Variants in DLC1 observed in about 807,000 individuals in gnomAD.
DLC1 encodes rho GTPase-activating protein 7.
In DLC1, 54 loss-of-function variants were observed where a neutral mutation model predicts 140.3. The observed-to-expected ratio is 0.38, with a 90% CI of 0.31 to 0.48. The LOEUF is 0.48. Ranked by LOEUF, DLC1 falls within the 20% of genes least tolerant of loss-of-function variation. DLC1 has a pLI of 0.96. For synonymous variants in DLC1, 986 were observed against 728.1 expected (o/e 1.35, Z -5.70); for missense variants, 2,536 against 1,907.0 (o/e 1.33, Z -6.14).
chr8:13,111,216 G>A (rs1043162801), intron 6 of DLC1, among the ~76,000 whole-genome samples: 1 of 152,104 alleles, frequency 6.6e-6, no homozygotes, highest in Non-Finnish European at 1.5e-5. Context: ...CTTTGCTCAC[G>A]TGTGATCAGG....
chr8:13,141,510 A>T (rs1211577352), intron 5 of DLC1, among the ~76,000 whole-genome samples: 1 of 152,202 alleles, frequency 6.6e-6, no homozygotes, highest in Non-Finnish European at 1.5e-5. Flanking sequence ...GGACTCACTC[A>T]TGAGTTTATT....
At chr8:13,088,143 T>C (rs144667548) in intron 16 of DLC1, among the ~76,000 whole-genome samples, 1 of 152,336 alleles carries the variant, frequency 6.6e-6, no homozygotes, top group East Asian at 1.9e-4. Context: ...TACAGTGGCA[T>C]GCTCACAGCT....
chr8:13,390,101 C>T (rs1836684367), intron 4 of DLC1, among the ~76,000 whole-genome samples: 1 of 152,132 alleles, frequency 6.6e-6, no homozygotes, highest in African/African-American at 2.4e-5. Context: ...AGACAAAATT[C>T]TTCATTCTGA....
intron 7 of DLC1, among the ~76,000 whole-genome samples, chr8:13,103,493 C>A (rs1163033432): frequency 6.6e-6 from 1 of 151,930 alleles, no homozygotes. Flanking sequence ...AATCATTCTT[C>A]CAATAACTCT....
chr8:13,158,187 C>T (rs1032318250), intron 5 of DLC1, among the ~76,000 whole-genome samples: 1 of 152,138 alleles, frequency 6.6e-6, no homozygotes, highest in Admixed American at 6.5e-5. Flanking sequence ...TCTCTGGGGT[C>T]CCCGCCCAAT....
At chr8:13,103,440 T>A (rs1451973242) in intron 7 of DLC1, among the ~76,000 whole-genome samples, 6 of 152,176 alleles carry the variant, frequency 3.9e-5, no homozygotes, top group Non-Finnish European at 8.8e-5. Context: ...CTGTCAAGTC[T>A]CTCTGATTCT....
At position 13,498,976 on chromosome 8, in the gene DLC1, C is replaced by G. The variant is rs77284806; in HGVS notation, c.1023+73G>C. ...CATCTTCATATCTTTTTAATCCAAGCAAAATGATAACTGATAAATCCAAGG... is the reference window on the plus strand; with the variant it reads ...CATCTTCATATCTTTTTAATCCAAGGAAAATGATAACTGATAAATCCAAGG... On this transcript the variant is annotated intron_variant, in intron 2 of 17. Transcript: ENST00000276297. The G allele has an allele frequency of 0.011, 16,605 of 1,484,942 alleles. 889 individuals carry two copies. The African/African-American group carries it at 0.14, about 12-fold the overall frequency. The allele number at this position is 1,484,942 out of a possible 1,614,324, so 92.0% of individuals were successfully genotyped here. A position where few individuals can be genotyped will look rare whatever the true frequency, so the allele number is the denominator to read the frequency against.
intron 8 of DLC1, among the ~76,000 whole-genome samples, chr8:13,102,467 C>T (rs1819177017): frequency 1.3e-5 from 2 of 152,080 alleles, no homozygotes. Flanking sequence ...AGTTTATTTC[C>T]TCTATGAGCA....
rs114851716 is a variant in DLC1, at chr8:13,497,312, C to T, written c.1023+1737G>A. 3.4e-3 allele frequency among the ~76,000 whole-genome samples: 512 copies of T among 152,224 alleles called. 3 individuals are homozygous for T. Among genetic ancestry groups the T allele is most frequent in the African/African-American group, 0.012 (499 of 41,530 alleles). ...ACAAAAATTCTTACACGTTTTAGTT[C>T]TAAGGGCTTCTCACATAATTGTAGT... is the stretch of plus-strand genomic sequence containing the variant. On this transcript the variant is annotated intron_variant, in intron 2 of 17. Transcript: ENST00000276297.
intron 2 of DLC1, among the ~76,000 whole-genome samples, chr8:13,406,594 T>A (rs1223158536): frequency 6.6e-6 from 1 of 152,194 alleles, no homozygotes; most frequent in African/African-American, 2.4e-5. Context: ...GGGTGAATCA[T>A]CCTCAGTTCC....
At chr8:13,306,241 T>C (rs1832421172) in intron 4 of DLC1, among the ~76,000 whole-genome samples, 1 of 152,160 alleles carries the variant, frequency 6.6e-6, no homozygotes, top group South Asian at 2.1e-4. Context: ...TTATCACTGT[T>C]ATGATTTTTA....
At position 13,084,340 on chromosome 8, in the gene DLC1, C is replaced by T. The variant is rs1817381521; in HGVS notation, c.*1471G>A. The T allele has an allele frequency of 6.6e-6, 1 of 152,312 alleles. No homozygotes were observed. Among genetic ancestry groups the T allele is most frequent in the African/African-American group, 2.4e-5 (1 of 41,336 alleles). 9.4% of individuals were successfully genotyped at this position (152,312 alleles called of 1,614,324 possible). A position where few individuals can be genotyped will look rare whatever the true frequency, so the allele number is the denominator to read the frequency against. The stretch of plus-strand genomic sequence containing the variant: ...ATTCTTCAAAGAACCTTTGAAATAA[C>T]ACTGAAAATGGTAACTAAATTATAA... On this transcript the variant is annotated 3_prime_UTR_variant, in exon 18 of 18. Transcript: ENST00000276297.
intron 1 of DLC1, among the ~76,000 whole-genome samples, chr8:13,585,707 T>G (rs1441429739): frequency 1.3e-5 from 2 of 152,166 alleles, no homozygotes; most frequent in African/African-American, 2.4e-5. Context: ...GCTGAAAATT[T>G]TTGGTGTTCC....
At chr8:13,360,364 G>C (rs1288831512) in intron 4 of DLC1, among the ~76,000 whole-genome samples, 1 of 152,062 alleles carries the variant, frequency 6.6e-6, no homozygotes, top group African/African-American at 2.4e-5. Flanking sequence ...AATGTATTAG[G>C]GAGCATATAT....
intron 1 of DLC1, among the ~76,000 whole-genome samples, chr8:13,604,138 G>A (rs887726399): frequency 4.6e-5 from 7 of 151,978 alleles, no homozygotes; most frequent in African/African-American, 1.4e-4. Flanking sequence ...AGAAACAAAA[G>A]TAAAATTGAA....
At chr8:13,136,572 A>G (rs1822572224) in intron 5 of DLC1, among the ~76,000 whole-genome samples, 1 of 152,188 alleles carries the variant, frequency 6.6e-6, no homozygotes, top group African/African-American at 2.4e-5. Flanking sequence ...CAGTGGTGAA[A>G]TCTCAGATCA....
chr8:13,589,951 A>G (rs1341130553), intron 1 of DLC1, among the ~76,000 whole-genome samples: 4 of 151,832 alleles, frequency 2.6e-5, no homozygotes, highest in African/African-American at 7.3e-5. Context: ...GTATTATAGT[A>G]TTATTGTTCT....
intron 2 of DLC1, among the ~76,000 whole-genome samples, chr8:13,433,282 A>C (rs1163663445): frequency 6.6e-6 from 1 of 152,132 alleles, no homozygotes; most frequent in Non-Finnish European, 1.5e-5. Context: ...CTCTTACTGA[A>C]AATGTGTAAG....
chr8:13,224,176 C>G (rs1828682019), intron 5 of DLC1, among the ~76,000 whole-genome samples: 1 of 152,020 alleles, frequency 6.6e-6, no homozygotes, highest in Non-Finnish European at 1.5e-5. Flanking sequence ...ATTGATTTAC[C>G]CACATGAGGC....
Sources: gnomAD v4.1 joint callset for allele counts (sites outside exome capture counted in the v4.1 genomes callset) on GRCh38, gnomAD v4.1.1 for gene constraint, MANE v1.5 for transcripts, NCBI Gene and HGNC (gene_info 2026-07-23, HGNC 2026-07-21) for gene names.